The following IGSF11 variants were observed in gnomAD, a reference collection of about 807,000 sequenced individuals.
The protein encoded by IGSF11 is CXADR like 1.
Under a neutral mutation model 41.0 loss-of-function variants are expected in IGSF11, and 22 were observed. The observed-to-expected ratio is 0.54, with a 90% CI of 0.38 to 0.77. The LOEUF (loss-of-function observed/expected upper bound fraction) is 0.77, where lower values mean the gene tolerates loss of function less well. IGSF11 is among the 30% of genes least tolerant of loss of function. IGSF11 has a pLI of 0.00. For missense variants in IGSF11, 444 were observed against 530.8 expected (o/e 0.84, Z 1.61); for synonymous variants, 219 against 201.3 (o/e 1.09, Z -0.74).
At chr3:119,000,806 C>A (rs566676717) in intron 1 of IGSF11, among the ~76,000 whole-genome samples, 1 of 152,284 alleles carries the variant, frequency 6.6e-6, no homozygotes, top group South Asian at 2.1e-4. Flanking sequence ...TTCCTGTCCC[C>A]TTGAAGTTGA....
chr3:119,053,713 A>T (rs372382709), intron 1 of IGSF11, among the ~76,000 whole-genome samples: 2 of 152,302 alleles, frequency 1.3e-5, no homozygotes, highest in South Asian at 2.1e-4. Flanking sequence ...AGCCAAAGCA[A>T]GACTAAGCAA....
chr3:119,051,530 G>C (rs889095979), intron 1 of IGSF11, among the ~76,000 whole-genome samples: 1 of 152,076 alleles, frequency 6.6e-6, no homozygotes, highest in Non-Finnish European at 1.5e-5. Flanking sequence ...AGTAAGAGTG[G>C]GGGACTTCAA....
At position 118,978,605 on chromosome 3, in the gene IGSF11, C is replaced by G. The variant is rs900751324; in HGVS notation, c.53-48330G>C. 2.0e-5 allele frequency among the ~76,000 whole-genome samples: 3 copies of G among 152,198 alleles called. No individual in the cohort carries two copies. In the South Asian group the frequency reaches 6.2e-4, roughly 32 times the overall value. ...TGAAGACTGGCATCCCGGATCTCAGCACAACTTCACCACAGCCTTCTCTGA... is the reference window on the plus strand; with the variant it reads ...TGAAGACTGGCATCCCGGATCTCAGGACAACTTCACCACAGCCTTCTCTGA... On this transcript the variant is annotated intron_variant, in intron 1 of 6. Transcript: ENST00000393775.
intron 1 of IGSF11, among the ~76,000 whole-genome samples, chr3:119,002,729 A>G (rs2107674789): frequency 8.4e-6 from 1 of 119,436 alleles, no homozygotes; most frequent in South Asian, 3.1e-4. Context: ...TTAAATAGGG[A>G]ATCCTTTCCC....
Position 118,905,923 on chromosome 3 carries a change from G to A in IGSF11, c.581-205C>T, listed in dbSNP as rs148820290. Among the ~76,000 whole-genome samples, 917 of 152,180 alleles carry A rather than the reference G, an allele frequency of 6.0e-3. 2 individuals carry two copies. Among genetic ancestry groups the A allele is most frequent in the South Asian group, 0.012 (59 of 4,806 alleles). ...CTTTAAAGACCTGGAACTTTGGAGC[G>A]CTGTCCTAAATCAGAACAATCTTAA... On this transcript the variant is annotated intron_variant, in intron 4 of 6. Transcript: ENST00000393775.
At chr3:119,129,852 G>A (rs2077453548) in intron 1 of IGSF11, among the ~76,000 whole-genome samples, 1 of 152,046 alleles carries the variant, frequency 6.6e-6, no homozygotes, top group South Asian at 2.1e-4. Context: ...AGGTGTGGTG[G>A]CAAATGCCTG....
At chr3:118,922,440 G>A (rs1474652083) in intron 4 of IGSF11, among the ~76,000 whole-genome samples, 4 of 151,844 alleles carry the variant, frequency 2.6e-5, no homozygotes, top group African/African-American at 9.7e-5. Flanking sequence ...GCTGGGAACA[G>A]TTAAGATCTC....
Position 118,902,464 on chromosome 3 carries a change from C to A in IGSF11, c.*56G>T. ...CCCAGCACTCCCCACCCCACCCTCC[C>A]CCTTGTATGAGGGCATTCCATTTAT... On this transcript the variant is annotated 3_prime_UTR_variant, in exon 7 of 7. Transcript: ENST00000393775. The A allele has an allele frequency of 2.6e-6, 2 of 781,674 alleles. No individual in the cohort carries two copies. Among genetic ancestry groups the A allele is most frequent in the Non-Finnish European group, 4.4e-6 (2 of 458,688 alleles). The allele number at this position is 781,674 out of a possible 1,614,324, so 48.4% of individuals were successfully genotyped here. A position where few individuals can be genotyped will look rare whatever the true frequency, so the allele number is the denominator to read the frequency against.
chr3:119,024,290 C>A (rs1030206410), intron 1 of IGSF11, among the ~76,000 whole-genome samples: 1 of 151,990 alleles, frequency 6.6e-6, no homozygotes, highest in Admixed American at 6.6e-5. Context: ...AATATTCTCA[C>A]GAAAATGAAT....
rs578182877 is a variant in IGSF11 at position 118,930,418 on chromosome 3, C to T, written c.53-143G>A. 2.0e-4 allele frequency: 143 copies of T among 706,968 alleles called. No homozygotes were observed. In the African/African-American group the frequency reaches 2.5e-3, roughly 12 times the overall value. The allele number at this position is 706,968 out of a possible 1,614,324, so 43.8% of individuals were successfully genotyped here. ...ACATGATAGTCTTAACAACTGCTGA[C>T]CAGTCACTGAGTCAAAATAATAAAA... is the stretch of plus-strand genomic sequence containing the variant. On this transcript the variant is annotated intron_variant, in intron 1 of 6. Transcript: ENST00000393775.
At chr3:119,008,099 C>G (rs1273214170) in intron 1 of IGSF11, among the ~76,000 whole-genome samples, 1 of 152,092 alleles carries the variant, frequency 6.6e-6, no homozygotes, top group Non-Finnish European at 1.5e-5. Context: ...ATTATAGTGA[C>G]TCTTGAGGGT....
At chr3:119,051,842 G>A (rs978066211) in intron 1 of IGSF11, among the ~76,000 whole-genome samples, 2 of 152,124 alleles carry the variant, frequency 1.3e-5, no homozygotes, top group Non-Finnish European at 2.9e-5. Flanking sequence ...AAACTATACA[G>A]ATACATGGAA....
At chr3:119,136,116 G>A (rs945565152) in intron 1 of IGSF11, among the ~76,000 whole-genome samples, 1 of 152,128 alleles carries the variant, frequency 6.6e-6, no homozygotes, top group Non-Finnish European at 1.5e-5. Flanking sequence ...TAATGTAAAT[G>A]ACGAGTTGAT....
At chr3:119,026,984 G>A (rs1260928684) in intron 1 of IGSF11, among the ~76,000 whole-genome samples, 1 of 152,066 alleles carries the variant, frequency 6.6e-6, no homozygotes. Flanking sequence ...TGGAAAACTT[G>A]TATCTGACAT....
intron 1 of IGSF11, among the ~76,000 whole-genome samples, chr3:119,033,638 C>A (rs1437938429): frequency 4.6e-5 from 7 of 152,126 alleles, no homozygotes; most frequent in South Asian, 2.1e-4. Context: ...AGAAAAAAAA[C>A]AGGGTTAACC....
chr3:119,109,736 A>T (rs2077110559), upstream of IGSF11, among the ~76,000 whole-genome samples: 2 of 151,560 alleles, frequency 1.3e-5, no homozygotes, highest in African/African-American at 4.9e-5. Flanking sequence ...TAATGCTATA[A>T]ATTTCCCTCT....
At chr3:118,954,243 T>C (rs1285350554) in intron 1 of IGSF11, among the ~76,000 whole-genome samples, 3 of 152,188 alleles carry the variant, frequency 2.0e-5, no homozygotes, top group Non-Finnish European at 2.9e-5. Flanking sequence ...CTGGGTTCTC[T>C]ATTCTGTTTC....
At chr3:118,943,382 T>C (rs1943855912) in intron 1 of IGSF11, among the ~76,000 whole-genome samples, 1 of 152,186 alleles carries the variant, frequency 6.6e-6, no homozygotes, top group Non-Finnish European at 1.5e-5. Context: ...AAGCATTATA[T>C]AAGGACTTTA....
At chr3:119,050,928 T>G (rs13079137) in intron 1 of IGSF11, among the ~76,000 whole-genome samples, 30,842 of 146,104 alleles carry the variant, frequency 0.21, 3,392 homozygotes, top group Middle Eastern at 0.26. Context: ...TTCTCACTCA[T>G]AGGTGGGAAT....
Sources: gnomAD v4.1 joint callset for allele counts (sites outside exome capture counted in the v4.1 genomes callset) on GRCh38, gnomAD v4.1.1 for gene constraint, MANE v1.5 for transcripts, NCBI Gene and HGNC (gene_info 2026-07-23, HGNC 2026-07-21) for gene names.